Variants in CNBD1 observed in about 807,000 individuals in gnomAD.
CNBD1 encodes the protein cyclic nucleotide binding domain containing 1.
CNBD1 carries 71 observed loss-of-function variants against 54.4 expected under a neutral mutation model. The observed-to-expected ratio is 1.30, with a 90% confidence interval of 1.08 to 1.59. CNBD1 has a LOEUF of 1.59. Ranked by LOEUF, CNBD1 falls within the 40% of genes most tolerant of loss-of-function variation. The pLI, the probability that CNBD1 is intolerant of heterozygous loss-of-function variation, is 0.00. For missense variants in CNBD1, 659 were observed against 518.0 expected (o/e 1.27, Z -2.64); for synonymous variants, 182 against 170.7 (o/e 1.07, Z -0.51).
intron 4 of CNBD1, among the ~76,000 whole-genome samples, chr8:87,028,464 C>T (rs781741171): frequency 6.6e-6 from 1 of 152,188 alleles, no homozygotes; most frequent in Non-Finnish European, 1.5e-5. Flanking sequence ...AATCTAGGTC[C>T]TGCTGCTCAC....
intron 10 of CNBD1, among the ~76,000 whole-genome samples, chr8:87,358,704 T>C (rs1810469163): frequency 6.6e-6 from 1 of 152,134 alleles, no homozygotes; most frequent in Admixed American, 6.6e-5. Context: ...GCCAGTGGTA[T>C]AATTCAGGTT....
chr8:87,287,410 C>A (rs933296197), intron 8 of CNBD1, among the ~76,000 whole-genome samples: 3 of 152,098 alleles, frequency 2.0e-5, no homozygotes, highest in Non-Finnish European at 4.4e-5. Context: ...AGGATGGCGA[C>A]CTCGACTCTC....
intron 2 of CNBD1, among the ~76,000 whole-genome samples, chr8:87,416,025 A>C (rs1209663340): frequency 6.6e-6 from 1 of 151,878 alleles, no homozygotes; most frequent in African/African-American, 2.4e-5. Flanking sequence ...ACAAAAATAG[A>C]TTTCAAGGCG....
chr8:86,906,965 G>A (rs143293448), intron 3 of CNBD1, among the ~76,000 whole-genome samples: 201 of 152,338 alleles, frequency 1.3e-3, no homozygotes, highest in Non-Finnish European at 2.0e-3. Flanking sequence ...TTGTTTAAGT[G>A]TCTGAAAAGC....
intron 4 of CNBD1, among the ~76,000 whole-genome samples, chr8:87,089,535 T>G (rs1214411198): frequency 6.6e-6 from 1 of 152,108 alleles, no homozygotes; most frequent in Non-Finnish European, 1.5e-5. Context: ...TGTTGGGGAT[T>G]AAGAGACATA....
chr8:87,272,105 G>A (rs1327594490), intron 6 of CNBD1, among the ~76,000 whole-genome samples: 2 of 151,882 alleles, frequency 1.3e-5, no homozygotes. Context: ...GGGGTGATGT[G>A]TGGTGAAGAG....
At chr8:87,048,163 T>G (rs1408775302) in intron 4 of CNBD1, among the ~76,000 whole-genome samples, 2 of 151,632 alleles carry the variant, frequency 1.3e-5, no homozygotes, top group Non-Finnish European at 2.9e-5. Context: ...GAGGGAAGAG[T>G]CTTCACTAAC....
chr8:87,083,364 C>T (rs1339648299), intron 4 of CNBD1, among the ~76,000 whole-genome samples: 1 of 152,046 alleles, frequency 6.6e-6, no homozygotes, highest in Non-Finnish European at 1.5e-5. Context: ...GAACAGGAAA[C>T]ATTTGTCATC....
At chr8:87,367,955 A>G (rs1810676411) in intron 10 of CNBD1, among the ~76,000 whole-genome samples, 1 of 152,034 alleles carries the variant, frequency 6.6e-6, no homozygotes, top group Non-Finnish European at 1.5e-5. Flanking sequence ...GTGGATCACG[A>G]GGTCAGGAGT....
intron 6 of CNBD1, among the ~76,000 whole-genome samples, chr8:87,261,613 T>C (rs911727583): frequency 5.9e-5 from 9 of 152,040 alleles, no homozygotes; most frequent in Non-Finnish European, 1.3e-4. Flanking sequence ...GGGTTGGCAT[T>C]TGCCTTATTT....
At chr8:87,293,873 A>C (rs1808828582) in intron 8 of CNBD1, among the ~76,000 whole-genome samples, 1 of 152,214 alleles carries the variant, frequency 6.6e-6, no homozygotes, top group South Asian at 2.1e-4. Context: ...TATGGTTTTC[A>C]GATCTTGCTT....
chr8:87,308,954 A>ATG (rs373059617), intron 8 of CNBD1, among the ~76,000 whole-genome samples: 31 of 152,304 alleles, frequency 2.0e-4, no homozygotes, highest in Non-Finnish European at 3.8e-4. Context: ...GTATTCTATT[A>ATG]TGTATGCATG....
chr8:87,039,299 T>C (rs1273534693), intron 4 of CNBD1, among the ~76,000 whole-genome samples: 1 of 152,188 alleles, frequency 6.6e-6, no homozygotes, highest in Non-Finnish European at 1.5e-5. Flanking sequence ...TTTATAAGTA[T>C]ATTTTCTACC....
chr8:87,225,877 T>C (rs1814474259), intron 5 of CNBD1, among the ~76,000 whole-genome samples: 2 of 147,694 alleles, frequency 1.4e-5, no homozygotes, highest in Admixed American at 1.3e-4. Flanking sequence ...TCCAGGACTC[T>C]TTTTGGTTGG....
At chr8:87,190,766 A>G (rs1302970544) in intron 4 of CNBD1, among the ~76,000 whole-genome samples, 1 of 151,532 alleles carries the variant, frequency 6.6e-6, no homozygotes, top group Admixed American at 6.6e-5. Flanking sequence ...CACTATAGTC[A>G]TGTGTTTTTC....
intron 6 of CNBD1, among the ~76,000 whole-genome samples, chr8:87,278,060 G>A (rs1808520516): frequency 6.6e-6 from 1 of 151,472 alleles, no homozygotes; most frequent in Admixed American, 6.6e-5. Context: ...CTCAATAGAT[G>A]TAGTTATTAG....
chr8:87,341,672 C>T (rs910747222), intron 8 of CNBD1, among the ~76,000 whole-genome samples: 2 of 152,218 alleles, frequency 1.3e-5, no homozygotes, highest in African/African-American at 2.4e-5. Flanking sequence ...ATCCCTCTTG[C>T]TCTCTCTTTT....
At chr8:86,921,780 G>A (rs1289521523) in intron 3 of CNBD1, among the ~76,000 whole-genome samples, 3 of 152,134 alleles carry the variant, frequency 2.0e-5, no homozygotes, top group Non-Finnish European at 4.4e-5. Flanking sequence ...AGAGTTGGGT[G>A]GGGATTCAGC....
chr8:86,935,901 T>C (rs1161594363), intron 3 of CNBD1, among the ~76,000 whole-genome samples: 2 of 152,082 alleles, frequency 1.3e-5, no homozygotes, highest in Non-Finnish European at 2.9e-5. Context: ...CCTAGCACTT[T>C]GGGAGGTGGA....
Sources: gnomAD v4.1 joint callset for allele counts (sites outside exome capture counted in the v4.1 genomes callset) on GRCh38, gnomAD v4.1.1 for gene constraint, MANE v1.5 for transcripts, NCBI Gene and HGNC (gene_info 2026-07-23, HGNC 2026-07-21) for gene names.